CAPS2: variants seen among roughly 807,000 people sequenced by gnomAD.
CAPS2 encodes calcyphosine 2.
A neutral mutation model predicts 86.5 loss-of-function variants in CAPS2; 98 were observed. The observed-to-expected ratio is 1.13, with a 90% CI of 0.96 to 1.34. The LOEUF (loss-of-function observed/expected upper bound fraction) is 1.34. Among genes scored for constraint, CAPS2 ranks in the 40% most tolerant of loss-of-function variants. The probability of loss-of-function intolerance (pLI) is 0.00; values close to 1 mark genes in which losing one functional copy is unlikely to be tolerated. For synonymous variants in CAPS2, 210 were observed against 225.1 expected, an observed-to-expected ratio of 0.93 and a Z score of 0.60; for missense variants, 729 against 686.8, an observed-to-expected ratio of 1.06 and a Z score of -0.69.
intron 2 of CAPS2, 65 bp from the exon 4 acceptor site, chr12:75,323,287 ATATGT>A (rs1314040149): frequency 9.4e-6 from 12 of 1,272,960 alleles, no homozygotes; most frequent in Admixed American, 2.2e-5. Flanking sequence ...TGCAAATCTT[ATATGT>A]TACATGTTTT....
At chr12:75,343,140 T>A (rs1359677916) in intron 1 of CAPS2, among the ~76,000 whole-genome samples, 1 of 152,054 alleles carries the variant, frequency 6.6e-6, no homozygotes, top group Non-Finnish European at 1.5e-5. Flanking sequence ...TCATGTATTT[T>A]ATTATACTAC....
chr12:75,316,627 G>A (rs2138900784), intron 5 of CAPS2, among the ~76,000 whole-genome samples, 193 bp from the exon 6 acceptor site: 1 of 152,178 alleles, frequency 6.6e-6, no homozygotes, highest in Middle Eastern at 3.4e-3. Flanking sequence ...ACCTCTCTGT[G>A]CCTCAGGTGA....
At chr12:75,316,332 T>C in exon 6 of CAPS2, 2 of 1,550,990 alleles carry the variant, frequency 1.3e-6, no homozygotes, top group Non-Finnish European at 1.7e-6. Context: ...TTTCTTGCCC[T>C]CTGTTGTTTA....
chr12:75,328,389 T>G (rs1006356759), upstream of CAPS2, among the ~76,000 whole-genome samples: 1 of 152,098 alleles, frequency 6.6e-6, no homozygotes, highest in African/African-American at 2.4e-5. Context: ...ATTTGCAAAT[T>G]TAAAAAGCGG....
chr12:75,314,841 G>A (rs142530845), intron 6 of CAPS2, among the ~76,000 whole-genome samples: 60 of 152,116 alleles, frequency 3.9e-4, no homozygotes, highest in African/African-American at 1.3e-3. Flanking sequence ...GTTAGAACCC[G>A]TAGGCACACT....
intron 5 of CAPS2, 52 bp from the exon 6 acceptor site, chr12:75,316,486 T>A: frequency 6.9e-7 from 1 of 1,442,056 alleles, no homozygotes. Flanking sequence ...AGAATGTTTG[T>A]TTTTAACAAA....
intron 1 of CAPS2, among the ~76,000 whole-genome samples, chr12:75,389,279 T>C (rs1180182783): frequency 6.6e-6 from 1 of 152,234 alleles, no homozygotes; most frequent in Non-Finnish European, 1.5e-5. Flanking sequence ...TCCCTGTGGA[T>C]AGACTCCATG....
intron 1 of CAPS2, among the ~76,000 whole-genome samples, chr12:75,383,174 C>T (rs73365906): frequency 0.027 from 4,063 of 152,106 alleles, 179 homozygotes; most frequent in African/African-American, 0.094. Flanking sequence ...GAATATAATG[C>T]ATTAAAATTT....
chr12:75,356,037 T>A (rs1482382859), intron 1 of CAPS2, among the ~76,000 whole-genome samples: 1 of 152,094 alleles, frequency 6.6e-6, no homozygotes, highest in East Asian at 1.9e-4. Context: ...CTGGGCTTAA[T>A]ACCTGGGTGA....
chr12:75,327,632 T>C (rs1044962806), upstream of CAPS2, among the ~76,000 whole-genome samples: 1 of 151,808 alleles, frequency 6.6e-6, no homozygotes, highest in African/African-American at 2.4e-5. Context: ...AGACATACAT[T>C]GTAATCCTGA....
chr12:75,311,098 T>C (rs530840869), intron 7 of CAPS2, among the ~76,000 whole-genome samples: 2 of 152,320 alleles, frequency 1.3e-5, no homozygotes, highest in Admixed American at 6.5e-5. Flanking sequence ...GGCTTCACTA[T>C]GATTAAAATG....
intron 1 of CAPS2, chr12:75,370,032 T>C (rs1435593843): frequency 1.6e-6 from 2 of 1,287,226 alleles, no homozygotes; most frequent in Non-Finnish European, 2.2e-6. Context: ...TTTCCTCCCG[T>C]TGAAAATCAA....
intron 1 of CAPS2, among the ~76,000 whole-genome samples, chr12:75,386,307 T>C (rs1231945919): frequency 6.6e-6 from 1 of 152,158 alleles, no homozygotes; most frequent in Non-Finnish European, 1.5e-5. Flanking sequence ...TCACAGAATA[T>C]CTGATATTTG....
At chr12:75,333,190 A>G (rs867026216), upstream of CAPS2, among the ~76,000 whole-genome samples, 3 of 152,246 alleles carry the variant, frequency 2.0e-5, no homozygotes, top group South Asian at 2.1e-4. Context: ...ATGTATATGT[A>G]TATATGCCTA....
At chr12:75,278,891 T>C (rs747031041) in exon 17 of CAPS2, 14 of 1,555,554 alleles carry the variant, frequency 9.0e-6, no homozygotes, top group Non-Finnish European at 9.5e-6. Flanking sequence ...TATTAAAGAC[T>C]AAATCCCCCA....
Position 75,298,410 on chromosome 12 carries a change from C to T in CAPS2, c.1044+277G>A, listed in dbSNP as rs1044031724. On this transcript the variant is annotated intron_variant, in intron 11 of 16. Transcript: ENST00000393284. ...CAGCTTTGAAGAACTTTTCAAAGTACGAAGATACAACTTCATCTGGAGACA... is the reference window on the plus strand; with the variant it reads ...CAGCTTTGAAGAACTTTTCAAAGTATGAAGATACAACTTCATCTGGAGACA... 9.1e-5 allele frequency: 36 copies of T among 395,132 alleles called. No individual in the cohort carries two copies. The South Asian group carries it at 9.7e-4, about 11-fold the overall frequency. The allele number at this position is 395,132 out of a possible 1,614,324, so 24.5% of individuals were successfully genotyped here. A position where few individuals can be genotyped will look rare whatever the true frequency, so the allele number is the denominator to read the frequency against.
At chr12:75,378,810 C>T (rs2044798760) in intron 1 of CAPS2, among the ~76,000 whole-genome samples, 1 of 152,188 alleles carries the variant, frequency 6.6e-6, no homozygotes, top group Non-Finnish European at 1.5e-5. Flanking sequence ...TCACTGTAGA[C>T]CAGCCACATT....
intron 12 of CAPS2, 43 bp from the exon 13 acceptor site, chr12:75,291,863 T>C (rs1306310517): frequency 3.0e-6 from 3 of 991,750 alleles, no homozygotes; most frequent in Non-Finnish European, 4.5e-6. Context: ...ATATATATTC[T>C]ATTTTACAAT....
At chr12:75,379,149 A>T (rs2044821706) in intron 1 of CAPS2, among the ~76,000 whole-genome samples, 1 of 152,136 alleles carries the variant, frequency 6.6e-6, no homozygotes, top group Non-Finnish European at 1.5e-5. Context: ...AGAGCATATG[A>T]TTTTCTTTAA....
Sources: gnomAD v4.1 joint callset for allele counts (sites outside exome capture counted in the v4.1 genomes callset) on GRCh38, gnomAD v4.1.1 for gene constraint, MANE v1.5 for transcripts, NCBI Gene and HGNC (gene_info 2026-07-23, HGNC 2026-07-21) for gene names.